CSNK1G1: variants seen among roughly 807,000 people sequenced by gnomAD.
The protein encoded by CSNK1G1 is casein kinase 1 gamma 1.
A neutral mutation model predicts 59.6 loss-of-function variants in CSNK1G1; 22 were observed. The ratio of observed to expected loss-of-function variants is 0.37; its 90% CI spans 0.26 to 0.53. The LOEUF is 0.53. CSNK1G1 is among the 20% of genes least tolerant of loss of function. The pLI is 0.89. For synonymous variants in CSNK1G1, 179 were observed against 177.1 expected (o/e 1.01, Z -0.08); for missense variants, 384 against 519.5 (o/e 0.74, Z 2.54).
chr15:64,203,083 T>G lies in CSNK1G1; in HGVS notation c.1106A>C (p.Gln369Pro). 1 of 1,611,058 alleles carries G rather than the reference T, an allele frequency of 6.2e-7. No homozygotes were observed. Among genetic ancestry groups the G allele is most frequent in the Non-Finnish European group, 8.5e-7 (1 of 1,177,210 alleles). ...AAAGAATGGAGGATCAACACATACC[T>G]GATTTCGAAGAGGCTGCTGTTGTGA... ...RPSQQQPLRN[Q>P]VVSSTNGELN... is the part of the protein sequence containing the mutation. The change falls in exon 10 of 12, where the codon CAG (glutamine) becomes CCG (proline). Residue 369 changes from glutamine (Q) to proline (P), a missense_variant and splice_region_variant. Physicochemically the swap from Gln to Pro is moderately conservative, Grantham distance 76. Transcript: ENST00000303052.
chr15:64,222,441 A>C (rs1466102614), intron 4 of CSNK1G1, among the ~76,000 whole-genome samples: 33 of 142,044 alleles, frequency 2.3e-4, no homozygotes, highest in African/African-American at 5.9e-4. Flanking sequence ...CACCACCAAA[A>C]AAAAAAAAAA....
chr15:64,333,433 C>CAAA (rs59451869), intron 1 of CSNK1G1, among the ~76,000 whole-genome samples: 706 of 23,082 alleles, frequency 0.031, 316 homozygotes, highest in African/African-American at 0.12. Flanking sequence ...GACACCATCT[C>CAAA]AAAAAAAAAA....
intron 2 of CSNK1G1, among the ~76,000 whole-genome samples, chr15:64,293,876 A>C (rs561284238): frequency 6.6e-6 from 1 of 152,276 alleles, no homozygotes; most frequent in South Asian, 2.1e-4. Context: ...GTACATGGAA[A>C]AATTGTCTTC....
chr15:64,267,382 A>G (rs1268923101), intron 2 of CSNK1G1, among the ~76,000 whole-genome samples: 1 of 152,036 alleles, frequency 6.6e-6, no homozygotes, highest in Non-Finnish European at 1.5e-5. Flanking sequence ...GACAACCTAG[A>G]GGGAAAAAAT....
chr15:64,321,282 G>A (rs1462448982), intron 1 of CSNK1G1, among the ~76,000 whole-genome samples: 1 of 149,006 alleles, frequency 6.7e-6, no homozygotes, highest in African/African-American at 2.5e-5. Context: ...TGGAGATAGG[G>A]ACTTGCTCTG....
rs965813469 is a variant in CSNK1G1 at position 64,165,859 on chromosome 15, A to G, written c.*6072T>C. 2 of 440,652 alleles carry G rather than the reference A, an allele frequency of 4.5e-6. No homozygotes were observed. The highest frequency in any genetic ancestry group is 8.0e-6 in the Non-Finnish European group (2 of 249,392). The allele number at this position is 440,652 out of a possible 1,614,324, so 27.3% of individuals were successfully genotyped here. On this transcript the variant is annotated 3_prime_UTR_variant, in exon 12 of 12. Transcript: ENST00000303052. ...TGTGTTTTCCATGGTGCCCTAGGAA[A>G]TGGGCTACTCTGAGATCACATATCA...
At chr15:64,305,399 G>A (rs1015208415) in intron 1 of CSNK1G1, among the ~76,000 whole-genome samples, 4 of 152,032 alleles carry the variant, frequency 2.6e-5, no homozygotes, top group African/African-American at 9.7e-5. Context: ...TACAAGGCTT[G>A]AAATGCATTT....
intron 4 of CSNK1G1, among the ~76,000 whole-genome samples, chr15:64,228,039 C>CA (rs1487247847): frequency 1.3e-5 from 2 of 152,178 alleles, no homozygotes; most frequent in African/African-American, 2.4e-5. Context: ...CTATGCTCCA[C>CA]AGGCAGCTTG....
intron 4 of CSNK1G1, among the ~76,000 whole-genome samples, chr15:64,235,509 A>G (rs892784295): frequency 3.3e-5 from 5 of 152,220 alleles, no homozygotes; most frequent in African/African-American, 1.2e-4. Context: ...ATTTCCAAAG[A>G]CACTGAAAAC....
rs879617890 is a variant in CSNK1G1, at chr15:64,170,742, G to A, written c.*1189C>T. 4 of 152,548 alleles carry A rather than the reference G, an allele frequency of 2.6e-5. No homozygotes were observed. The highest frequency in any genetic ancestry group is 4.8e-5 in the African/African-American group (2 of 41,388). 9.4% of individuals were successfully genotyped at this position (152,548 alleles called of 1,614,324 possible). A position where few individuals can be genotyped will look rare whatever the true frequency, so the allele number is the denominator to read the frequency against. On this transcript the variant is annotated 3_prime_UTR_variant, in exon 12 of 12. Coordinates refer to ENST00000303052, the MANE Select transcript of CSNK1G1 (RefSeq NM_022048.5). ...ACGTCACATGGCTATCTAGTTGGAA[G>A]TCCCTGGCAGCATGGGAAACAATTT...
intron 4 of CSNK1G1, among the ~76,000 whole-genome samples, chr15:64,230,423 G>A (rs571005162): frequency 4.0e-5 from 6 of 151,232 alleles, no homozygotes; most frequent in East Asian, 3.9e-4. Flanking sequence ...TCAGCCTCCC[G>A]AGTGGCTGGG....
rs1381373384 is a variant in CSNK1G1 at position 64,176,191 on chromosome 15, T to C, written c.1214+4157A>G. On this transcript the variant is annotated intron_variant, in intron 11 of 11. Coordinates refer to ENST00000303052, the MANE Select transcript of CSNK1G1 (RefSeq NM_022048.5). This position sits in a 1 kb window ranked among gnomAD's most constrained non-coding sequence, Gnocchi z 5.2. Reference sequence around the variant, plus strand: ...AGCTATTTAATGTTCCTAAGGCATTTTGTTTGGCTTTGCCAGTCCCAGCCT... The same window carrying C: ...AGCTATTTAATGTTCCTAAGGCATTCTGTTTGGCTTTGCCAGTCCCAGCCT... The C allele has an allele frequency of 7.5e-6, 3 of 398,602 alleles. No individual in the cohort carries two copies. The highest frequency in any genetic ancestry group is 1.3e-5 in the Non-Finnish European group (3 of 226,086). The allele number at this position is 398,602 out of a possible 1,614,324, so 24.7% of individuals were successfully genotyped here. A position where few individuals can be genotyped will look rare whatever the true frequency, so the allele number is the denominator to read the frequency against.
At position 64,300,323 on chromosome 15, in the gene CSNK1G1, T is replaced by C. The variant is rs7163558; in HGVS notation, c.177A>G (p.Arg59=). 5.1e-3 allele frequency: 8,258 copies of C among 1,614,096 alleles called. 355 individuals are homozygous for C. The African/African-American group carries it at 0.094, about 18-fold the overall frequency. The change falls in exon 2 of 12, where the codon AGA becomes AGG. Residue 59 remains arginine (R), a synonymous_variant. Coordinates refer to ENST00000303052, the MANE Select transcript of CSNK1G1 (RefSeq NM_022048.5). ...CTGACATAACCAAGTGCTTACCTAA[T>C]CTGAGCTCTCCGAAGTTCCCACATC... ...KIGCGNFGEL[R]LGKNLYTNEY...
intron 1 of CSNK1G1, among the ~76,000 whole-genome samples, chr15:64,314,286 A>G (rs1896151803): frequency 6.6e-6 from 1 of 152,166 alleles, no homozygotes; most frequent in African/African-American, 2.4e-5. Context: ...ACAGCATGGA[A>G]GAGTTTTAGA....
Position 64,188,614 on chromosome 15 carries a change from A to C in CSNK1G1, c.1108-8160T>G, listed in dbSNP as rs2081929201. 4 of 674,152 alleles carry C rather than the reference A, an allele frequency of 5.9e-6. No individual in the cohort carries two copies. The highest frequency in any genetic ancestry group is 7.6e-6 in the Non-Finnish European group (3 of 394,050). 41.8% of individuals were successfully genotyped at this position (674,152 alleles called of 1,614,324 possible). A position where few individuals can be genotyped will look rare whatever the true frequency, so the allele number is the denominator to read the frequency against. On this transcript the variant is annotated intron_variant, in intron 10 of 11. Coordinates refer to ENST00000303052, the MANE Select transcript of CSNK1G1 (RefSeq NM_022048.5). This position sits in a 1 kb window ranked among gnomAD's most constrained non-coding sequence, Gnocchi z 4.2. The stretch of plus-strand genomic sequence containing the variant: ...TTTCGGTTTTGGATTTTAAACTAAC[A>C]ACCACTGGAAAGCAGTGAGGAAAAG...
At chr15:64,215,571 A>T (rs942876821) in intron 5 of CSNK1G1, among the ~76,000 whole-genome samples, 6 of 152,204 alleles carry the variant, frequency 3.9e-5, no homozygotes, top group Non-Finnish European at 7.3e-5. Flanking sequence ...TGGGGCTCAA[A>T]AGTCAAAGTC....
chr15:64,258,793 G>A (rs962260908), intron 3 of CSNK1G1, among the ~76,000 whole-genome samples: 2 of 151,870 alleles, frequency 1.3e-5, no homozygotes, highest in African/African-American at 4.8e-5. Context: ...AGATTTTTAA[G>A]GCCATGATTA....
At chr15:64,296,457 G>C (rs1018413981) in intron 2 of CSNK1G1, among the ~76,000 whole-genome samples, 1 of 152,022 alleles carries the variant, frequency 6.6e-6, no homozygotes, top group Non-Finnish European at 1.5e-5. Flanking sequence ...ATTGCAATTT[G>C]TTTTTCTCTG....
intron 4 of CSNK1G1, among the ~76,000 whole-genome samples, chr15:64,241,045 G>A (rs1017861527): frequency 1.5e-4 from 23 of 152,064 alleles, no homozygotes; most frequent in East Asian, 1.9e-4. Flanking sequence ...AATATAAACC[G>A]ATTATATTCT....
Sources: allele counts gnomAD v4.1 joint callset (sites outside exome capture counted in the v4.1 genomes callset), GRCh38; gene constraint gnomAD v4.1.1; non-coding constraint Gnocchi (gnomAD v3.1); transcripts MANE v1.5; gene names NCBI Gene and HGNC (gene_info 2026-07-23, HGNC 2026-07-21).